Variants in KYNU observed in about 807,000 individuals in gnomAD.
The protein encoded by KYNU is L-kynurenine hydrolase.
A neutral mutation model predicts 59.2 loss-of-function variants in KYNU; 54 were observed. The observed-to-expected ratio is 0.91, with a 90% CI of 0.73 to 1.14. KYNU has a LOEUF of 1.14. KYNU is among the 50% of genes most tolerant of loss of function. The pLI, the probability that KYNU is intolerant of heterozygous loss-of-function variation, is 0.00. For missense variants in KYNU, 567 were observed against 554.4 expected (o/e 1.02, Z -0.23); for synonymous variants, 177 against 192.0 (o/e 0.92, Z 0.65).
intron 8 of KYNU, among the ~76,000 whole-genome samples, chr2:142,978,893 TAAC>T (rs1204919195): frequency 2.7e-5 from 4 of 150,496 alleles, no homozygotes; most frequent in African/African-American, 7.2e-5. Context: ...AACTAAATAA[TAAC>T]AATAATAATA....
In KYNU at chr2:143,049,067, GTAT is replaced by G. The variant is rs1055015251; in HGVS notation, c.*6900_*6902del. ...TTTTTAATTTCTAGAAAATTCAGAAGTATTATTTATTTATTCAATTATTACCTC... is the reference window on the plus strand; with the variant it reads ...TTTTTAATTTCTAGAAAATTCAGAAGTATTTATTTATTCAATTATTACCTC... On this transcript the variant is annotated 3_prime_UTR_variant, in exon 14 of 14. Transcript: ENST00000264170. 1 of 152,026 alleles carries G rather than the reference GTAT, an allele frequency of 6.6e-6. No homozygotes were observed. Among genetic ancestry groups the G allele is most frequent in the Non-Finnish European group, 1.5e-5 (1 of 68,004 alleles). The allele number at this position is 152,026 out of a possible 1,614,324, so 9.4% of individuals were successfully genotyped here.
rs540713563 is a variant in KYNU at position 142,915,632 on chromosome 2, C to G, written c.170-2977C>G. ...AAGCAATAAAGTGAGTTTTCAGAAC[C>G]ATGAGCTTTATAGCAATCATACTGT... On this transcript the variant is annotated intron_variant, in intron 2 of 13. Transcript: ENST00000264170. Among the ~76,000 whole-genome samples the G allele has an allele frequency of 2.6e-5, 4 of 152,276 alleles. No homozygotes were observed. In the South Asian group the frequency reaches 6.2e-4, roughly 24 times the overall value.
At chr2:142,915,621 G>T (rs1478002214) in intron 2 of KYNU, among the ~76,000 whole-genome samples, 1 of 152,184 alleles carries the variant, frequency 6.6e-6, no homozygotes. Context: ...AATAAAGTGA[G>T]TTTTCAGAAC....
chr2:142,929,355 T>C (rs1683137684), intron 4 of KYNU, among the ~76,000 whole-genome samples: 1 of 116,068 alleles, frequency 8.6e-6, no homozygotes, highest in Non-Finnish European at 1.8e-5. Context: ...GTAATTGCCT[T>C]TCTCAAAAAA....
At chr2:142,990,944 T>G (rs1228241017) in intron 10 of KYNU, among the ~76,000 whole-genome samples, 1 of 151,898 alleles carries the variant, frequency 6.6e-6, no homozygotes, top group Admixed American at 6.6e-5. Context: ...GCTGGCTGAC[T>G]TCAGTGCATG....
intron 10 of KYNU, among the ~76,000 whole-genome samples, chr2:143,016,382 T>C (rs1411351803): frequency 1.3e-5 from 2 of 152,224 alleles, no homozygotes; most frequent in Admixed American, 1.3e-4. Flanking sequence ...ATTATAAAAT[T>C]CTCTCTTTCA....
intron 3 of KYNU, among the ~76,000 whole-genome samples, chr2:142,920,432 G>C (rs773175295): frequency 6.6e-6 from 1 of 152,176 alleles, no homozygotes; most frequent in Non-Finnish European, 1.5e-5. Context: ...CATTCAGCAA[G>C]GTTGTGAATT....
intron 10 of KYNU, among the ~76,000 whole-genome samples, chr2:143,007,019 C>A (rs1273791116): frequency 2.0e-5 from 3 of 152,062 alleles, no homozygotes; most frequent in Non-Finnish European, 4.4e-5. Flanking sequence ...TCCAAAGGAA[C>A]GCAGTTCTTC....
chr2:142,884,085 G>A (rs1027306644), intron 1 of KYNU, among the ~76,000 whole-genome samples: 3 of 152,230 alleles, frequency 2.0e-5, no homozygotes, highest in Admixed American at 2.0e-4. Context: ...TAAAACGTAT[G>A]TGATTAAATC....
chr2:142,912,897 A>G (rs1283435474), intron 2 of KYNU, among the ~76,000 whole-genome samples: 4 of 150,558 alleles, frequency 2.7e-5, no homozygotes, highest in Non-Finnish European at 5.9e-5. Context: ...TATTTTTAGT[A>G]GAGACAGGGT....
intron 2 of KYNU, among the ~76,000 whole-genome samples, chr2:142,890,863 G>T (rs903116591): frequency 6.6e-6 from 1 of 152,112 alleles, no homozygotes; most frequent in African/African-American, 2.4e-5. Context: ...TTAGACAACC[G>T]TTGGAGATAG....
In KYNU at chr2:142,921,088, A is replaced by C. The variant is rs1283718563; in HGVS notation, c.290+2359A>C. Among the ~76,000 whole-genome samples the C allele has an allele frequency of 2.0e-5, 3 of 152,188 alleles. 1 individual carries two copies. Among genetic ancestry groups the C allele is most frequent in the Non-Finnish European group, 4.4e-5 (3 of 68,036 alleles). On this transcript the variant is annotated intron_variant, in intron 3 of 13. Transcript: ENST00000264170. ...GGTTAACAGGAGAAAAGTTTATTTC[A>C]CACTCAGATACAAGAATTCTACAAG...
At position 143,054,688 on chromosome 2, in the gene KYNU, A is replaced by T. The variant is rs1687323257; in HGVS notation, c.*12516A>T. Reference sequence around the variant, plus strand: ...TAAAGCTACCTTCCAGTTTATAAAAAGTATGAAGAATAGAGGGGCAATTAA... The same window carrying T: ...TAAAGCTACCTTCCAGTTTATAAAATGTATGAAGAATAGAGGGGCAATTAA... On this transcript the variant is annotated 3_prime_UTR_variant, in exon 14 of 14. Transcript: ENST00000264170. 2 of 152,238 alleles carry T rather than the reference A, an allele frequency of 1.3e-5. No individual in the cohort carries two copies. The highest frequency in any genetic ancestry group is 2.4e-5 in the African/African-American group (1 of 41,464). The allele number at this position is 152,238 out of a possible 1,614,324, so 9.4% of individuals were successfully genotyped here.
chr2:142,912,933 C>T (rs1385628714), intron 2 of KYNU, among the ~76,000 whole-genome samples: 1 of 151,252 alleles, frequency 6.6e-6, no homozygotes, highest in African/African-American at 2.4e-5. Context: ...AGGATCATCT[C>T]CATCTCCTGA....
intron 1 of KYNU, among the ~76,000 whole-genome samples, chr2:142,884,652 A>G (rs186871586): frequency 1.4e-5 from 2 of 147,170 alleles, no homozygotes; most frequent in East Asian, 4.0e-4. Flanking sequence ...AGTCCTTTCA[A>G]TATCTCTAAG....
intron 2 of KYNU, among the ~76,000 whole-genome samples, chr2:142,898,227 C>T (rs1191399948): frequency 6.6e-6 from 1 of 152,112 alleles, no homozygotes; most frequent in East Asian, 1.9e-4. Context: ...TAGAAGTTAA[C>T]TTCCACAGAG....
At chr2:142,894,735 TAGAG>T (rs1043276636) in intron 2 of KYNU, among the ~76,000 whole-genome samples, 11 of 152,322 alleles carry the variant, frequency 7.2e-5, no homozygotes, top group African/African-American at 2.4e-4. Flanking sequence ...TTTCCATATA[TAGAG>T]AGAGATGGAA....
intron 4 of KYNU, among the ~76,000 whole-genome samples, chr2:142,945,222 G>A (rs1683734857): frequency 6.6e-6 from 1 of 152,176 alleles, no homozygotes; most frequent in Admixed American, 6.5e-5. Context: ...CTATTTGATA[G>A]TATTTTACTC....
intron 7 of KYNU, among the ~76,000 whole-genome samples, 180 bp from the exon 8 acceptor site, chr2:142,960,435 ATTATCATTT>A (rs1473888045): frequency 6.6e-6 from 1 of 152,148 alleles, no homozygotes; most frequent in Non-Finnish European, 1.5e-5. Flanking sequence ...TTACTTTTTA[ATTATCATTT>A]CTTAATAATA....
Sources: gnomAD v4.1 joint callset for allele counts (sites outside exome capture counted in the v4.1 genomes callset) on GRCh38, gnomAD v4.1.1 for gene constraint, MANE v1.5 for transcripts, NCBI Gene and HGNC (gene_info 2026-07-23, HGNC 2026-07-21) for gene names.